Variants in PREX2 observed in about 807,000 individuals in gnomAD.
The protein encoded by PREX2 is phosphatidylinositol-3,4,5-trisphosphate dependent Rac exchange factor 2.
A neutral mutation model predicts 203.2 loss-of-function variants in PREX2; 107 were observed. The observed-to-expected ratio is 0.53, with a 90% confidence interval of 0.45 to 0.62. The LOEUF (loss-of-function observed/expected upper bound fraction) is 0.62. Among genes scored for constraint, PREX2 ranks in the 20% least tolerant of loss-of-function variants. The pLI is 0.00. For missense variants in PREX2, 1,777 were observed against 1,955.9 expected (o/e 0.91, Z 1.72); for synonymous variants, 672 against 663.6 (o/e 1.01, Z -0.19).
In PREX2 at chr8:68,200,465, A is replaced by G. The variant is rs188055560; in HGVS notation, c.4604+7940A>G. ...TAATTTAGTCAACTAGATAAATAAT[A>G]CAGGTAAATTGTTAAAATTATAGGA... On this transcript the variant is annotated intron_variant, in intron 37 of 39. Transcript: ENST00000288368. Among the ~76,000 whole-genome samples the G allele has an allele frequency of 3.5e-3, 526 of 152,236 alleles. 7 individuals are homozygous for G. The highest frequency in any genetic ancestry group is 0.01 in the Admixed American group (156 of 15,292).
At chr8:68,164,173 A>G (rs1361837348) in intron 35 of PREX2, among the ~76,000 whole-genome samples, 1 of 152,100 alleles carries the variant, frequency 6.6e-6, no homozygotes, top group Non-Finnish European at 1.5e-5. Context: ...GGTACCTAAG[A>G]TGGCAAAGAG....
chr8:67,974,911 T>C (rs1295195226), intron 1 of PREX2, among the ~76,000 whole-genome samples: 2 of 152,186 alleles, frequency 1.3e-5, no homozygotes, highest in East Asian at 1.9e-4. Flanking sequence ...ATGGACAGTT[T>C]TTGTGTGCAC....
chr8:68,027,442 A>T (rs1807761290), intron 5 of PREX2, 119 bp downstream of exon 5: 3 of 683,728 alleles, frequency 4.4e-6, no homozygotes, highest in Non-Finnish European at 7.4e-6. Flanking sequence ...GACCATAAGT[A>T]TTGGAAAAAA....
At chr8:68,009,680 C>A (rs1448660676) in intron 1 of PREX2, among the ~76,000 whole-genome samples, 7 of 152,094 alleles carry the variant, frequency 4.6e-5, no homozygotes, top group Non-Finnish European at 8.8e-5. Flanking sequence ...TAATTCTGAA[C>A]CTCATTAAAA....
intron 1 of PREX2, among the ~76,000 whole-genome samples, chr8:67,987,430 G>A (rs1273004016): frequency 6.6e-6 from 1 of 152,130 alleles, no homozygotes; most frequent in African/African-American, 2.4e-5. Flanking sequence ...TTTCTGCACA[G>A]GTCCAGGGGT....
intron 4 of PREX2, among the ~76,000 whole-genome samples, chr8:68,026,273 A>G (rs1563506468): frequency 6.6e-6 from 1 of 152,082 alleles, no homozygotes; most frequent in Non-Finnish European, 1.5e-5. Context: ...TTGTTCTGCT[A>G]CTATCAGTCT....
chr8:68,136,175 C>T (rs1436425590), intron 32 of PREX2, among the ~76,000 whole-genome samples: 6 of 151,984 alleles, frequency 3.9e-5, no homozygotes, highest in Non-Finnish European at 1.5e-5. Flanking sequence ...CTGGACAGCT[C>T]TGTGAATATA....
chr8:68,068,939 G>A, intron 11 of PREX2, 94 bp from the exon 12 acceptor site: 1 of 490,452 alleles, frequency 2.0e-6, no homozygotes, highest in East Asian at 3.6e-5. Context: ...AAAAGTTTTA[G>A]TATTTGGGAA....
At chr8:68,207,299 C>A (rs1812648955) in intron 37 of PREX2, among the ~76,000 whole-genome samples, 1 of 152,084 alleles carries the variant, frequency 6.6e-6, no homozygotes, top group Non-Finnish European at 1.5e-5. Context: ...TCTGTGATTT[C>A]TTTTTGCTAA....
intron 1 of PREX2, among the ~76,000 whole-genome samples, chr8:67,960,717 G>C (rs1382493714): frequency 6.6e-6 from 1 of 152,054 alleles, no homozygotes; most frequent in Non-Finnish European, 1.5e-5. Flanking sequence ...TTTTCTGTCT[G>C]ATGTTCTGTT....
intron 18 of PREX2, 102 bp from the exon 19 acceptor site, chr8:68,087,622 C>A (rs1365430695): frequency 2.3e-6 from 2 of 870,802 alleles, no homozygotes; most frequent in African/African-American, 1.6e-5. Context: ...ACTGTAGATC[C>A]TCAATATGTA....
chr8:68,087,617 A>G (rs1313381010), intron 18 of PREX2, 107 bp from the exon 19 acceptor site: 11 of 835,630 alleles, frequency 1.3e-5, no homozygotes, highest in Non-Finnish European at 2.1e-5. Context: ...TTCACACTGT[A>G]GATCCTCAAT....
intron 1 of PREX2, among the ~76,000 whole-genome samples, chr8:68,008,548 G>A (rs1332887239): frequency 6.6e-6 from 1 of 152,174 alleles, no homozygotes; most frequent in African/African-American, 2.4e-5. Context: ...CAGTTTTAAA[G>A]AAAAGGTAAA....
chr8:68,120,245 T>G lies in PREX2; in HGVS notation c.3554T>G (p.Phe1185Cys). The G allele has an allele frequency of 6.2e-7, 1 of 1,613,808 alleles. No homozygotes were observed. Among genetic ancestry groups the G allele is most frequent in the Non-Finnish European group, 8.5e-7 (1 of 1,179,854 alleles). Residue 1185 changes from phenylalanine to cysteine, a missense_variant, in exon 29 of 40, where the codon TTT (phenylalanine) becomes TGT (cysteine). Transcript: ENST00000288368. ...LLKGQAVVRA[F>C]DQTKYLTPGR... ...AAAGGGCAGGCTGTTGTGAGGGCCT[T>G]TGACCAAACCAAGTATCTCACTCCA...
At chr8:68,206,778 G>A (rs1287434046) in intron 37 of PREX2, among the ~76,000 whole-genome samples, 3 of 152,190 alleles carry the variant, frequency 2.0e-5, no homozygotes, top group African/African-American at 7.2e-5. Context: ...CAAGCACTTT[G>A]CTACCCCAGC....
At chr8:68,154,309 A>G (rs1811499171) in intron 34 of PREX2, among the ~76,000 whole-genome samples, 2 of 152,258 alleles carry the variant, frequency 1.3e-5, no homozygotes, top group South Asian at 2.1e-4. Flanking sequence ...ATAAGTAAGA[A>G]TACTCATGAG....
intron 1 of PREX2, among the ~76,000 whole-genome samples, chr8:67,977,513 A>G (rs1486485524): frequency 2.0e-5 from 3 of 152,012 alleles, no homozygotes; most frequent in Admixed American, 6.6e-5. Context: ...CTTCATCCCC[A>G]TTTCCTCACA....
At position 68,038,417 on chromosome 8, in the gene PREX2, TCA is replaced by T. The variant is rs564642890; in HGVS notation, c.839+126_839+127del. 5.6e-5 allele frequency: 54 copies of T among 956,762 alleles called. No homozygotes were observed. The African/African-American group carries it at 8.4e-4, about 15-fold the overall frequency. 59.3% of individuals were successfully genotyped at this position (956,762 alleles called of 1,614,324 possible). ...TTCTCTCTGTGCTTCCCAGAGCCCA[TCA>T]TCCATCAGTGCATTTCTTCACATAT... is the stretch of plus-strand genomic sequence containing the variant. On this transcript the variant is annotated intron_variant, in intron 7 of 39. Coordinates refer to ENST00000288368, the MANE Select transcript of PREX2 (RefSeq NM_024870.4).
At position 68,146,340 on chromosome 8, in the gene PREX2, C is replaced by A. The variant is rs746957295; in HGVS notation, c.4219C>A (p.Leu1407Ile). Residue 1407 changes from leucine (L) to isoleucine (I), a missense_variant, in exon 34 of 40, where the codon CTT becomes ATT. Coordinates refer to ENST00000288368, the MANE Select transcript of PREX2 (RefSeq NM_024870.4). ...NGGGFKIHPV[L>I]FAQALESMEG... ...AGGAGGGTTTAAAATTCATCCTGTT[C>A]TTTTTGCACAAGGTAAACTGTTTCT... The A allele has an allele frequency of 2.3e-5, 37 of 1,611,996 alleles. No homozygotes were observed. Among genetic ancestry groups the A allele is most frequent in the Non-Finnish European group, 3.1e-5 (36 of 1,179,130 alleles).
Sources: gnomAD v4.1 joint callset for allele counts (sites outside exome capture counted in the v4.1 genomes callset) on GRCh38, gnomAD v4.1.1 for gene constraint, MANE v1.5 for transcripts, NCBI Gene and HGNC (gene_info 2026-07-23, HGNC 2026-07-21) for gene names.